Variants in RGS7 observed in about 807,000 individuals in gnomAD.
RGS7 encodes the protein regulator of G-protein signaling 7.
A neutral mutation model predicts 81.1 loss-of-function variants in RGS7; 27 were observed. That is an observed-to-expected ratio of 0.33 (90% CI 0.25 to 0.46). RGS7 has a LOEUF of 0.46. Among genes scored for constraint, RGS7 ranks in the 20% least tolerant of loss-of-function variants. The probability of loss-of-function intolerance (pLI) is 1.00; values close to 1 mark genes in which losing one functional copy is unlikely to be tolerated. For missense variants in RGS7, 396 were observed against 607.4 expected, an observed-to-expected ratio of 0.65 and a Z score of 3.66; for synonymous variants, 208 against 207.7, an observed-to-expected ratio of 1.00 and a Z score of -0.01.
intron 2 of RGS7, among the ~76,000 whole-genome samples, chr1:241,234,930 C>T (rs1345985965): frequency 6.6e-6 from 1 of 152,082 alleles, no homozygotes; most frequent in African/African-American, 2.4e-5. Context: ...TACCAAATCT[C>T]TTTCCAGGAT....
chr1:241,238,328 TA>T (rs1170133683), intron 2 of RGS7, among the ~76,000 whole-genome samples: 1 of 152,212 alleles, frequency 6.6e-6, no homozygotes, highest in African/African-American at 2.4e-5. Context: ...TATGACCTTG[TA>T]TAGATAATGC....
At chr1:240,784,974 A>C (rs1246652863) in intron 18 of RGS7, among the ~76,000 whole-genome samples, 1 of 152,090 alleles carries the variant, frequency 6.6e-6, no homozygotes, top group Non-Finnish European at 1.5e-5. Context: ...AGAGATAGGG[A>C]ATGTTTTTAG....
At chr1:241,284,727 T>C (rs530669023) in intron 2 of RGS7, among the ~76,000 whole-genome samples, 1 of 152,322 alleles carries the variant, frequency 6.6e-6, no homozygotes, top group South Asian at 2.1e-4. Context: ...AACCCCATTA[T>C]AGCTTGTGAA....
In RGS7 at chr1:240,806,388, C is replaced by T. The variant is rs1688848853; in HGVS notation, c.1083-62G>A. On this transcript the variant is annotated intron_variant, in intron 14 of 18. Transcript: ENST00000440928. ...GCCCATCATCTGAAAATTCTTGTGA[C>T]ATTTACGGATCATGCAGTTCATCAT... 3.3e-6 allele frequency: 5 copies of T among 1,508,762 alleles called. No individual in the cohort carries two copies. In the African/African-American group the frequency reaches 5.5e-5, roughly 17 times the overall value. 93.5% of individuals were successfully genotyped at this position (1,508,762 alleles called of 1,614,324 possible).
At chr1:240,951,213 C>T (rs1292810899) in intron 4 of RGS7, among the ~76,000 whole-genome samples, 2 of 152,158 alleles carry the variant, frequency 1.3e-5, no homozygotes, top group Non-Finnish European at 2.9e-5. Flanking sequence ...AGCCACCCTA[C>T]CCAGCCATGT....
chr1:241,310,065 G>A (rs1406660976), intron 2 of RGS7, among the ~76,000 whole-genome samples: 2 of 152,172 alleles, frequency 1.3e-5, no homozygotes, highest in Admixed American at 1.3e-4. Context: ...GCTCAAAAAC[G>A]ACATTAATCC....
intron 9 of RGS7, among the ~76,000 whole-genome samples, chr1:240,842,449 C>T (rs1418291042): frequency 1.3e-5 from 2 of 151,796 alleles, no homozygotes; most frequent in Non-Finnish European, 2.9e-5. Context: ...GCCTTGGCCT[C>T]CCAAAGTGCT....
rs57613164 is a variant in RGS7 at position 240,920,366 on chromosome 1, C to T, written c.385+10351G>A. ...GCTGTTGTGGTGGTGGATATGGTGG[C>T]AGTGGGGATGGCTATAATGGATTTG... On this transcript the variant is annotated intron_variant, in intron 6 of 18. Transcript: ENST00000440928. The T allele has an allele frequency of 1.1e-3, 1,718 of 1,537,210 alleles. 25 individuals are homozygous for T. The African/African-American group carries it at 0.021, about 19-fold the overall frequency.
chr1:241,074,015 C>T (rs1444423378), intron 3 of RGS7, among the ~76,000 whole-genome samples: 2 of 152,028 alleles, frequency 1.3e-5, no homozygotes, highest in Admixed American at 6.6e-5. Flanking sequence ...ATTCTCGTGC[C>T]TCAGACTCTC....
intron 3 of RGS7, among the ~76,000 whole-genome samples, chr1:241,084,421 T>C (rs1160540446): frequency 6.6e-6 from 1 of 152,218 alleles, no homozygotes; most frequent in Non-Finnish European, 1.5e-5. Flanking sequence ...ATATTAAATA[T>C]AACAGGTCCT....
chr1:241,213,681 G>A (rs530010935), intron 2 of RGS7, among the ~76,000 whole-genome samples: 1 of 152,170 alleles, frequency 6.6e-6, no homozygotes, highest in Non-Finnish European at 1.5e-5. Context: ...TGTAGCTAAA[G>A]TTTACTTCTA....
intron 2 of RGS7, among the ~76,000 whole-genome samples, chr1:241,354,404 TC>T (rs1405149353): frequency 6.6e-6 from 1 of 152,224 alleles, no homozygotes; most frequent in Non-Finnish European, 1.5e-5. Flanking sequence ...TTCTGATTTA[TC>T]TTTCCCATCA....
chr1:241,271,260 A>C lies in RGS7; in HGVS notation c.78+84439T>G, dbSNP rs2148344947. ...TATGTAATATGATCCTCACCCAAGAATGACCTCCAAGTTTCCTGACATACT... is the reference window on the plus strand; with the variant it reads ...TATGTAATATGATCCTCACCCAAGACTGACCTCCAAGTTTCCTGACATACT... On this transcript the variant is annotated intron_variant, in intron 2 of 18. Coordinates refer to ENST00000440928, the MANE Select transcript of RGS7 (RefSeq NM_001364886.1). The surrounding 1 kb of genome is among the most constrained non-coding windows in gnomAD (Gnocchi z 4.6). 6.6e-6 allele frequency among the ~76,000 whole-genome samples: 1 copy of C among 152,310 alleles called. No homozygotes were observed. The highest frequency in any genetic ancestry group is 1.9e-4 in the East Asian group (1 of 5,180).
intron 18 of RGS7, 38 bp from the exon 19 acceptor site, chr1:240,776,251 T>A: frequency 6.7e-7 from 1 of 1,489,698 alleles, no homozygotes; most frequent in Non-Finnish European, 9.4e-7. Context: ...AGAAAGAAAA[T>A]CAAGTACGAT....
intron 9 of RGS7, among the ~76,000 whole-genome samples, chr1:240,828,537 C>G (rs1427417747): frequency 6.6e-6 from 1 of 152,150 alleles, no homozygotes; most frequent in Non-Finnish European, 1.5e-5. Context: ...GCCTGTAACC[C>G]CAGCACTTTG....
chr1:241,011,991 T>G (rs139836370), intron 3 of RGS7, among the ~76,000 whole-genome samples: 2 of 152,114 alleles, frequency 1.3e-5, no homozygotes, highest in Non-Finnish European at 2.9e-5. Flanking sequence ...AACTTGCTTT[T>G]GCTTTGCGCT....
At chr1:240,880,288 C>T (rs374554672) in intron 6 of RGS7, among the ~76,000 whole-genome samples, 1 of 152,364 alleles carries the variant, frequency 6.6e-6, no homozygotes, top group South Asian at 2.1e-4. Flanking sequence ...GCAGTTCTCC[C>T]GCTCTGGCCT....
intron 2 of RGS7, among the ~76,000 whole-genome samples, chr1:241,352,347 G>A (rs1051092118): frequency 6.6e-6 from 1 of 152,130 alleles, no homozygotes; most frequent in African/African-American, 2.4e-5. Flanking sequence ...AAAAGTGCCA[G>A]GAATAAAAGC....
At chr1:240,977,098 A>G (rs1432572808) in intron 4 of RGS7, among the ~76,000 whole-genome samples, 1 of 57,874 alleles carries the variant, frequency 1.7e-5, no homozygotes, top group East Asian at 1.5e-3. Flanking sequence ...CTGTACACAC[A>G]CACACACACA....
Sources: allele counts gnomAD v4.1 joint callset (sites outside exome capture counted in the v4.1 genomes callset), GRCh38; gene constraint gnomAD v4.1.1; non-coding constraint Gnocchi (gnomAD v3.1); transcripts MANE v1.5; gene names NCBI Gene and HGNC (gene_info 2026-07-23, HGNC 2026-07-21).